CCSER1: variants seen among roughly 807,000 people sequenced by gnomAD.
The protein encoded by CCSER1 is serine-rich coiled-coil domain-containing protein 1.
Under a neutral mutation model 82.0 loss-of-function variants are expected in CCSER1, and 41 were observed. The observed-to-expected ratio is 0.50, with a 90% confidence interval of 0.39 to 0.65. The LOEUF (loss-of-function observed/expected upper bound fraction) is 0.65, where lower values mean the gene tolerates loss of function less well. Among genes scored for constraint, CCSER1 ranks in the 30% least tolerant of loss-of-function variants. CCSER1 has a pLI of 0.00. For synonymous variants in CCSER1, 414 were observed against 383.9 expected (o/e 1.08, Z -0.92); for missense variants, 1,119 against 1,064.2 (o/e 1.05, Z -0.72).
intron 10 of CCSER1, among the ~76,000 whole-genome samples, chr4:91,410,191 T>C (rs537891833): frequency 6.6e-6 from 1 of 152,320 alleles, no homozygotes; most frequent in South Asian, 2.1e-4. Flanking sequence ...GTAAGCAATT[T>C]CACTGTTATT....
intron 10 of CCSER1, among the ~76,000 whole-genome samples, chr4:91,562,575 C>G (rs938993135): frequency 2.0e-5 from 3 of 151,352 alleles, no homozygotes; most frequent in Admixed American, 6.6e-5. Flanking sequence ...GATTCAGAAC[C>G]CTTGTTCCAG....
intron 2 of CCSER1, among the ~76,000 whole-genome samples, chr4:90,312,412 T>C (rs1467728938): frequency 6.6e-6 from 1 of 152,148 alleles, no homozygotes; most frequent in Non-Finnish European, 1.5e-5. Flanking sequence ...GGAGTGGTGG[T>C]GATGGCCCTC....
At chr4:91,461,514 C>A (rs1360836182) in intron 10 of CCSER1, among the ~76,000 whole-genome samples, 1 of 151,990 alleles carries the variant, frequency 6.6e-6, no homozygotes, top group Non-Finnish European at 1.5e-5. Flanking sequence ...AACAAATGAC[C>A]CCTGTGCATT....
chr4:90,138,326 G>A (rs1462044127), intron 1 of CCSER1, among the ~76,000 whole-genome samples: 1 of 152,064 alleles, frequency 6.6e-6, no homozygotes, highest in East Asian at 1.9e-4. Flanking sequence ...CGAGTAGCTG[G>A]GATTACAGGT....
intron 9 of CCSER1, among the ~76,000 whole-genome samples, chr4:91,042,417 T>A (rs1742040575): frequency 6.6e-6 from 1 of 152,184 alleles, no homozygotes; most frequent in South Asian, 2.1e-4. Flanking sequence ...AATTGCCCAG[T>A]CTCGGGCGGT....
intron 4 of CCSER1, among the ~76,000 whole-genome samples, chr4:90,407,179 G>A (rs912499263): frequency 6.6e-6 from 1 of 152,082 alleles, no homozygotes; most frequent in African/African-American, 2.4e-5. Flanking sequence ...AAAATGGGAG[G>A]CATTACAACT....
intron 4 of CCSER1, among the ~76,000 whole-genome samples, chr4:90,415,972 G>A (rs1375072459): frequency 2.6e-5 from 4 of 152,120 alleles, no homozygotes. Context: ...GCAATTTATA[G>A]CTGGAGATCT....
At chr4:90,312,677 A>G (rs1735509381) in intron 2 of CCSER1, among the ~76,000 whole-genome samples, 186 bp from the exon 3 acceptor site, 1 of 152,204 alleles carries the variant, frequency 6.6e-6, no homozygotes, top group Non-Finnish European at 1.5e-5. Context: ...GATGACTCCA[A>G]ACGTTTTGGG....
chr4:91,580,214 T>G (rs1763661864), intron 10 of CCSER1, among the ~76,000 whole-genome samples: 1 of 151,828 alleles, frequency 6.6e-6, no homozygotes, highest in South Asian at 2.1e-4. Context: ...ATGACAAAAT[T>G]TAACATATCC....
intron 8 of CCSER1, among the ~76,000 whole-genome samples, chr4:90,823,239 A>G (rs77438733): frequency 6.6e-6 from 1 of 152,150 alleles, no homozygotes; most frequent in Admixed American, 6.5e-5. Flanking sequence ...ATACACACAC[A>G]CACACATTTT....
intron 5 of CCSER1, among the ~76,000 whole-genome samples, chr4:90,484,701 G>T (rs989618737): frequency 6.6e-6 from 1 of 152,152 alleles, no homozygotes; most frequent in Non-Finnish European, 1.5e-5. Flanking sequence ...TTGGTGAACC[G>T]CAAATGCTGC....
chr4:90,857,476 ACCTCAGAAATGTTAT>A, intron 8 of CCSER1, among the ~76,000 whole-genome samples: 1 of 152,110 alleles, frequency 6.6e-6, no homozygotes, highest in East Asian at 1.9e-4. Context: ...TTATGACCTA[ACCTCAGAAATGTTAT>A]CCCATCACTT....
chr4:90,659,592 T>C (rs922729818), intron 6 of CCSER1, among the ~76,000 whole-genome samples: 2 of 152,122 alleles, frequency 1.3e-5, no homozygotes, highest in African/African-American at 4.8e-5. Context: ...ATAACATTTT[T>C]ATCATTGTGA....
At chr4:91,431,227 C>G (rs1754289820) in intron 10 of CCSER1, among the ~76,000 whole-genome samples, 1 of 152,118 alleles carries the variant, frequency 6.6e-6, no homozygotes, top group Non-Finnish European at 1.5e-5. Flanking sequence ...CAGAGCGAGA[C>G]TCCATCTCAA....
chr4:90,532,819 C>A (rs372748208), intron 5 of CCSER1, among the ~76,000 whole-genome samples: 1 of 152,060 alleles, frequency 6.6e-6, no homozygotes, highest in African/African-American at 2.4e-5. Flanking sequence ...ACAAATAGAT[C>A]GACTTGTACT....
chr4:91,078,615 G>A (rs1310532153), intron 9 of CCSER1, among the ~76,000 whole-genome samples: 1 of 152,068 alleles, frequency 6.6e-6, no homozygotes, highest in East Asian at 1.9e-4. Flanking sequence ...TCAGAAGACT[G>A]GTAATAACAA....
At chr4:91,163,581 T>C (rs1731683569) in intron 10 of CCSER1, among the ~76,000 whole-genome samples, 1 of 152,182 alleles carries the variant, frequency 6.6e-6, no homozygotes, top group Non-Finnish European at 1.5e-5. Context: ...TCTTTGTAGG[T>C]CTCTAAGGAC....
chr4:90,199,634 T>G (rs919409844), intron 1 of CCSER1, among the ~76,000 whole-genome samples: 1 of 152,106 alleles, frequency 6.6e-6, no homozygotes, highest in African/African-American at 2.4e-5. Context: ...AAAAAAAATA[T>G]GTATGGAGAG....
At chr4:90,879,391 A>T (rs991526099) in intron 8 of CCSER1, among the ~76,000 whole-genome samples, 3 of 152,122 alleles carry the variant, frequency 2.0e-5, no homozygotes, top group African/African-American at 2.4e-5. Flanking sequence ...TTCCTAGCCA[A>T]ATTCCAAATT....
Sources: gnomAD v4.1 joint callset for allele counts (sites outside exome capture counted in the v4.1 genomes callset) on GRCh38, gnomAD v4.1.1 for gene constraint, MANE v1.5 for transcripts, NCBI Gene and HGNC (gene_info 2026-07-23, HGNC 2026-07-21) for gene names.